The following WDR44 variants were observed in gnomAD, a reference collection of about 807,000 sequenced individuals.
The protein encoded by WDR44 is WD repeat-containing protein 44.
A neutral mutation model predicts 65.7 loss-of-function variants in WDR44; 9 were observed. The observed-to-expected ratio is 0.14, with a 90% CI of 0.08 to 0.24. WDR44 has a LOEUF of 0.24. Ranked by LOEUF, WDR44 falls within the 10% of genes least tolerant of loss-of-function variation. The pLI, the probability that WDR44 is intolerant of heterozygous loss-of-function variation, is 1.00. For missense variants in WDR44, 425 were observed against 670.9 expected (o/e 0.63, Z 4.05); for synonymous variants, 220 against 235.2 (o/e 0.94, Z 0.59).
intron 6 of WDR44, among the ~76,000 whole-genome samples, chrX:118,395,866 T>G (rs2147705555): frequency 9.1e-6 from 1 of 109,893 alleles, no homozygotes; most frequent in South Asian, 3.9e-4. Flanking sequence ...CTACTAAAAA[T>G]ACAAAAATTA....
At chrX:118,446,112 T>C (rs2057344368) in intron 19 of WDR44, among the ~76,000 whole-genome samples, 1 of 109,118 alleles carries the variant, frequency 9.2e-6, no homozygotes, top group Non-Finnish European at 1.9e-5. Flanking sequence ...GCCAACATGT[T>C]GAAACCCTGT....
chrX:118,441,467 A>G lies in WDR44; in HGVS notation c.2074A>G (p.Thr692Ala). 1 of 1,211,842 alleles carries G rather than the reference A, an allele frequency of 8.3e-7. No homozygotes were observed. The highest frequency in any genetic ancestry group is 1.1e-6 in the Non-Finnish European group (1 of 895,309). ...TTTGTGGAATGAAGTAGATGGTCAG[A>G]CAAAATTGATCACAGCTGCAAATTT... ...VALWNEVDGQ[T>A]KLITAANFCQ... is the part of the protein sequence containing the mutation. Residue 692 changes from threonine (T) to alanine (A), a missense_variant, in exon 15 of 20, where the codon ACA becomes GCA. Physicochemically the swap from Thr to Ala is moderately conservative, Grantham distance 58. Around this residue, in one of 5 missense-constraint regions of WDR44, gnomAD observed 73 missense variants for 187.4 expected, o/e 0.39. Coordinates refer to ENST00000254029, the MANE Select transcript of WDR44 (RefSeq NM_019045.5).
rs943194115 is a variant in WDR44, at chrX:118,346,184, C to G, written c.-320C>G. The G allele has an allele frequency of 1.7e-5, 5 of 302,489 alleles. No individual in the cohort carries two copies. Among genetic ancestry groups the G allele is most frequent in the African/African-American group, 2.7e-5 (1 of 36,395 alleles). The allele number at this position is 302,489 out of a possible 1,213,427, so 24.9% of individuals were successfully genotyped here. A position where few individuals can be genotyped will look rare whatever the true frequency, so the allele number is the denominator to read the frequency against. ...GAAACTGGAGCCGCTGTAGCCGGCG[C>G]GCCCTTCTTCCCTTACTGCGAGGAG... On this transcript the variant is annotated 5_prime_UTR_variant, in exon 1 of 20. Coordinates refer to ENST00000254029, the MANE Select transcript of WDR44 (RefSeq NM_019045.5).
intron 1 of WDR44, among the ~76,000 whole-genome samples, chrX:118,376,665 A>G (rs2056663038): frequency 8.9e-6 from 1 of 111,947 alleles, no homozygotes; most frequent in Non-Finnish European, 1.9e-5. Context: ...TTCAAAAAAA[A>G]AATGTGGGGG....
chrX:118,373,870 A>G (rs1447705891), intron 1 of WDR44, among the ~76,000 whole-genome samples: 4 of 112,230 alleles, frequency 3.6e-5, no homozygotes, highest in Non-Finnish European at 1.9e-5. Flanking sequence ...AAGCTAAAAC[A>G]TGTCAAGTGT....
At chrX:118,386,402 A>T (rs2056766788) in intron 2 of WDR44, 3 of 345,424 alleles carry the variant, frequency 8.7e-6, no homozygotes, top group Admixed American at 3.3e-5. Context: ...TAACCTCCCA[A>T]ATATATATAT....
chrX:118,372,626 T>A (rs1327774366), intron 1 of WDR44, among the ~76,000 whole-genome samples: 2 of 112,021 alleles, frequency 1.8e-5, no homozygotes, highest in African/African-American at 6.5e-5. Flanking sequence ...TAAGATTATG[T>A]ACGTAAAGTC....
rs762713572 is a variant in WDR44 at position 118,396,949 on chromosome X, GTT to G, written c.1054-10_1054-9del. 515 of 882,479 alleles carry G rather than the reference GTT, an allele frequency of 5.8e-4. No homozygotes were observed. The highest frequency in any genetic ancestry group is 2.1e-3 in the Admixed American group (56 of 26,541). The allele number at this position is 882,479 out of a possible 1,213,427, so 72.7% of individuals were successfully genotyped here. On this transcript the variant is annotated intron_variant, in intron 6 of 19. Transcript: ENST00000254029. Reference sequence around the variant, plus strand: ...AATTGCAGGTCATCTTGGTGTGATTGTTTTTTTTTTTTAACCTCAGGAAATTT... The same window carrying G: ...AATTGCAGGTCATCTTGGTGTGATTGTTTTTTTTTTAACCTCAGGAAATTT...
At chrX:118,445,140 A>G in intron 19 of WDR44, 1 of 240,618 alleles carries the variant, frequency 4.2e-6, no homozygotes, top group Non-Finnish European at 7.8e-6. Flanking sequence ...CTAAAAATAC[A>G]AAAAATTAGC....
At chrX:118,445,086 G>T (rs978349842) in intron 19 of WDR44, 1 of 295,933 alleles carries the variant, frequency 3.4e-6, no homozygotes, top group Non-Finnish European at 6.4e-6. Flanking sequence ...ACGAGGTCAG[G>T]AGATCGAGAC....
chrX:118,368,481 A>ATATATATATATATATATATATATT (rs1377849821), intron 1 of WDR44, among the ~76,000 whole-genome samples: 1 of 95,291 alleles, frequency 1.0e-5, no homozygotes, highest in Non-Finnish European at 2.0e-5. Context: ...ATATATATAT[A>ATATATATATATATATATATATATT]CTTCTTGAGG....
Position 118,442,288 on chromosome X carries a change from G to T in WDR44, c.2211G>T (p.Gly737=), listed in dbSNP as rs758622743. The part of the protein sequence containing the change: ...HTQIHVRSTR[G]RNKVGRKITG... ...AAATACATGTCCGATCTACTAGAGG[G>T]CGCAACAAGGTTGGAAGAAAAATTA... The change falls in exon 16 of 20, where the codon GGG becomes GGT. Residue 737 remains glycine (G), a synonymous_variant. Coordinates refer to ENST00000254029, the MANE Select transcript of WDR44 (RefSeq NM_019045.5). 8.3e-7 allele frequency: 1 copy of T among 1,211,034 alleles called. No homozygotes were observed. The highest frequency in any genetic ancestry group is 1.8e-5 in the South Asian group (1 of 56,978).
chrX:118,425,217 C>T (rs1176454828), intron 12 of WDR44, among the ~76,000 whole-genome samples: 1 of 112,030 alleles, frequency 8.9e-6, no homozygotes, highest in African/African-American at 3.2e-5. Flanking sequence ...ATGCGGGGAT[C>T]AGAACATATA....
chrX:118,407,145 G>T, intron 10 of WDR44, 119 bp downstream of exon 10: 1 of 684,022 alleles, frequency 1.5e-6, no homozygotes, highest in Non-Finnish European at 2.2e-6. Context: ...CAAGAACGGG[G>T]AATTTATGTT....
intron 19 of WDR44, among the ~76,000 whole-genome samples, chrX:118,445,385 CT>C (rs777648014): frequency 1.0e-3 from 118 of 112,466 alleles, no homozygotes; most frequent in Non-Finnish European, 2.0e-3. Context: ...TGTAAAACTT[CT>C]TTATTACCTG....
At position 118,387,381 on chromosome X, in the gene WDR44, T is replaced by A; in HGVS notation, c.153T>A (p.Pro51=). 1 of 1,201,013 alleles carries A rather than the reference T, an allele frequency of 8.3e-7. No individual in the cohort carries two copies. The highest frequency in any genetic ancestry group is 1.8e-5 in the South Asian group (1 of 55,235). The change falls in exon 3 of 20, where the codon CCT becomes CCA. Residue 51 remains proline, a synonymous_variant. Transcript: ENST00000254029. ...CATACAAAGTTGGAAATGAGTCCCC[T>A]GTACAAGAATTGAAACAAGATGTGT... The part of the protein sequence containing the change: ...NTAYKVGNES[P]VQELKQDVSK...
chrX:118,427,270 C>G (rs1292365623), intron 12 of WDR44, among the ~76,000 whole-genome samples: 3 of 87,997 alleles, frequency 3.4e-5, no homozygotes, highest in African/African-American at 1.2e-4. Context: ...CCATGCCTGG[C>G]TTTTTTTTTT....
In WDR44 at chrX:118,363,135, C is replaced by T. The variant is rs375212681; in HGVS notation, c.78-15284C>T. On this transcript the variant is annotated intron_variant, in intron 1 of 19. Coordinates refer to ENST00000254029, the MANE Select transcript of WDR44 (RefSeq NM_019045.5). ...CAAAAATAGTAAAACGTGGCTCACA[C>T]TTATAATCCCAGCACTTTGGGAGGC... Among the ~76,000 whole-genome samples, 10 of 108,957 alleles carry T rather than the reference C, an allele frequency of 9.2e-5. No individual in the cohort carries two copies. In the East Asian group the frequency reaches 2.3e-3, roughly 25 times the overall value. 94.6% of individuals were successfully genotyped at this position (108,957 alleles called of 115,157 possible).
At chrX:118,411,140 T>C (rs1305489659) in intron 12 of WDR44, among the ~76,000 whole-genome samples, 181 bp downstream of exon 12, 1 of 111,197 alleles carries the variant, frequency 9.0e-6, no homozygotes, top group East Asian at 2.8e-4. Flanking sequence ...ATTTTTGATA[T>C]TTAAAGGTTG....
Sources: allele counts gnomAD v4.1 joint callset (sites outside exome capture counted in the v4.1 genomes callset), GRCh38; gene constraint gnomAD v4.1.1; regional missense constraint gnomAD v4.1.1; transcripts MANE v1.5; gene names NCBI Gene and HGNC (gene_info 2026-07-23, HGNC 2026-07-21).